Variants in EPHB1 observed in about 807,000 individuals in gnomAD.
EPHB1 encodes the protein ephrin type-B receptor 1.
In EPHB1, 30 loss-of-function variants were observed where a neutral mutation model predicts 94.4. The observed-to-expected ratio is 0.32, with a 90% CI of 0.24 to 0.43. The LOEUF is 0.43. Among genes scored for constraint, EPHB1 ranks in the 20% least tolerant of loss-of-function variants. EPHB1 has a pLI of 1.00. For missense variants in EPHB1, 1,055 were observed against 1,308.3 expected (o/e 0.81, Z 2.99); for synonymous variants, 522 against 489.1 (o/e 1.07, Z -0.89).
intron 4 of EPHB1, among the ~76,000 whole-genome samples, chr3:135,131,518 G>A (rs938520088): frequency 6.6e-6 from 1 of 152,174 alleles, no homozygotes; most frequent in Admixed American, 6.5e-5. Flanking sequence ...CGAAAGGGGG[G>A]CTTCCGGGCA....
At chr3:135,255,032 AGTTT>A (rs1253780822) in intron 15 of EPHB1, among the ~76,000 whole-genome samples, 1 of 152,154 alleles carries the variant, frequency 6.6e-6, no homozygotes. Context: ...CTCTGATGGT[AGTTT>A]GTATTTCTGT....
At chr3:134,994,675 C>T (rs1041253078) in intron 3 of EPHB1, among the ~76,000 whole-genome samples, 27 of 152,214 alleles carry the variant, frequency 1.8e-4, no homozygotes, top group Non-Finnish European at 3.4e-4. Flanking sequence ...CCTCCTGCCT[C>T]AGCCTCCCAT....
intron 1 of EPHB1, among the ~76,000 whole-genome samples, chr3:134,920,669 C>T (rs1463293662): frequency 5.3e-5 from 8 of 152,164 alleles, no homozygotes; most frequent in Non-Finnish European, 1.2e-4. Flanking sequence ...GGTTTATTTC[C>T]TTTTCAACAT....
chr3:134,929,404 G>C (rs1336763597), intron 2 of EPHB1, among the ~76,000 whole-genome samples: 1 of 152,188 alleles, frequency 6.6e-6, no homozygotes, highest in South Asian at 2.1e-4. Flanking sequence ...AATATGGCAA[G>C]GAGTAAGAGC....
chr3:134,973,225 C>G (rs1476894291), intron 3 of EPHB1, among the ~76,000 whole-genome samples: 4 of 152,172 alleles, frequency 2.6e-5, no homozygotes, highest in African/African-American at 9.7e-5. Context: ...ATTGCTTTCT[C>G]TGGCTGTGTT....
chr3:134,936,949 G>A (rs1209237542), intron 2 of EPHB1, among the ~76,000 whole-genome samples: 3 of 152,204 alleles, frequency 2.0e-5, no homozygotes, highest in African/African-American at 7.2e-5. Flanking sequence ...GCAAATGCAG[G>A]GAAGGCCAGA....
At chr3:135,169,791 T>G (rs1941751887) in intron 9 of EPHB1, among the ~76,000 whole-genome samples, 1 of 152,152 alleles carries the variant, frequency 6.6e-6, no homozygotes, top group Admixed American at 6.5e-5. Flanking sequence ...CTAGGAGGGT[T>G]AAGTGACTTA....
rs116326415 is a variant in EPHB1 at position 135,100,611 on chromosome 3, T to C, written c.806-5837T>C. On this transcript the variant is annotated intron_variant, in intron 3 of 15. Transcript: ENST00000398015. ...ATCACTGCACTGTTTATGAGACACTTAATCTGTTTCTTTATAAAGTAATAG... is the reference window on the plus strand; with the variant it reads ...ATCACTGCACTGTTTATGAGACACTCAATCTGTTTCTTTATAAAGTAATAG... Among the ~76,000 whole-genome samples, 664 of 152,296 alleles carry C rather than the reference T, an allele frequency of 4.4e-3. 4 individuals are homozygous for C. The highest frequency in any genetic ancestry group is 0.015 in the African/African-American group (632 of 41,554).
intron 1 of EPHB1, among the ~76,000 whole-genome samples, chr3:134,838,975 A>G (rs1473689829): frequency 6.6e-6 from 1 of 152,226 alleles, no homozygotes; most frequent in African/African-American, 2.4e-5. Context: ...TTTCTTTTCT[A>G]CTATATATTC....
chr3:135,133,073 C>G, intron 5 of EPHB1, 24 bp downstream of exon 5: 4 of 1,552,386 alleles, frequency 2.6e-6, no homozygotes, highest in Non-Finnish European at 3.5e-6. Flanking sequence ...CTTCTGTGCT[C>G]CTGTTTGGAT....
intron 3 of EPHB1, among the ~76,000 whole-genome samples, chr3:135,064,934 T>A (rs890285299): frequency 1.3e-5 from 2 of 152,172 alleles, no homozygotes; most frequent in African/African-American, 2.4e-5. Flanking sequence ...AAACATTTTT[T>A]AATTTCTATC....
intron 3 of EPHB1, among the ~76,000 whole-genome samples, chr3:134,954,059 G>A (rs1196485826): frequency 6.6e-6 from 1 of 152,204 alleles, no homozygotes; most frequent in Non-Finnish European, 1.5e-5. Context: ...CCATCACTTT[G>A]CCTCTTCAGA....
intron 3 of EPHB1, among the ~76,000 whole-genome samples, chr3:134,999,439 A>G (rs1219688367): frequency 6.6e-5 from 10 of 152,194 alleles, no homozygotes; most frequent in Non-Finnish European, 1.5e-5. Context: ...GATGGTCTGA[A>G]AATTCCTTGA....
intron 3 of EPHB1, among the ~76,000 whole-genome samples, chr3:135,064,304 T>C (rs1937553227): frequency 6.6e-6 from 1 of 152,152 alleles, no homozygotes; most frequent in African/African-American, 2.4e-5. Flanking sequence ...CTGGTAGAAT[T>C]CTGCTGTGAA....
At chr3:134,925,918 AG>A in intron 2 of EPHB1, 38 bp downstream of exon 2, 1 of 1,558,422 alleles carries the variant, frequency 6.4e-7, no homozygotes, top group Non-Finnish European at 8.7e-7. Flanking sequence ...TCCTGCTATG[AG>A]GTCCTGGATC....
chr3:134,950,778 C>G (rs1049168497), intron 2 of EPHB1, among the ~76,000 whole-genome samples: 4 of 152,022 alleles, frequency 2.6e-5, no homozygotes, highest in African/African-American at 9.7e-5. Flanking sequence ...ACATGAGATT[C>G]GGAAAGGAAA....
At chr3:134,935,206 A>C (rs1006430123) in intron 2 of EPHB1, among the ~76,000 whole-genome samples, 1 of 152,024 alleles carries the variant, frequency 6.6e-6, no homozygotes. Flanking sequence ...AACTCACAGC[A>C]CTCCCACTGG....
intron 11 of EPHB1, 137 bp downstream of exon 11, chr3:135,192,960 G>C: frequency 8.2e-7 from 1 of 1,220,158 alleles, no homozygotes; most frequent in Non-Finnish European, 1.1e-6. Flanking sequence ...TGTTAGCAGA[G>C]ATTTGTTGCT....
intron 1 of EPHB1, among the ~76,000 whole-genome samples, chr3:134,910,973 G>A (rs1312351153): frequency 2.6e-5 from 4 of 152,240 alleles, no homozygotes. Context: ...GGAACAGGGA[G>A]AGATGGATAA....
Sources: allele counts gnomAD v4.1 joint callset (sites outside exome capture counted in the v4.1 genomes callset), GRCh38; gene constraint gnomAD v4.1.1; transcripts MANE v1.5; gene names NCBI Gene and HGNC (gene_info 2026-07-23, HGNC 2026-07-21).